MACF1: variants seen among roughly 807,000 people sequenced by gnomAD.
The protein encoded by MACF1 is microtubule-actin cross-linking factor 1.
MACF1 carries 193 observed loss-of-function variants against 854.8 expected under a neutral mutation model. The observed-to-expected ratio is 0.23, with a 90% CI of 0.20 to 0.25. The LOEUF is 0.25. MACF1 is among the 10% of genes least tolerant of loss of function. MACF1 has a pLI of 1.00. For synonymous variants in MACF1, 3,185 were observed against 3,226.7 expected (o/e 0.99, Z 0.44); for missense variants, 7,722 against 8,929.1 (o/e 0.86, Z 5.45).
intron 2 of MACF1, among the ~76,000 whole-genome samples, chr1:39,095,561 CAAAAAA>C (rs34021324): frequency 5.4e-5 from 3 of 55,848 alleles, no homozygotes; most frequent in Non-Finnish European, 9.3e-5. Context: ...GACTCTGTCT[CAAAAAA>C]AAAAAAAAAA....
At chr1:39,282,400 C>T (rs1045257512) in intron 7 of MACF1, 26 bp downstream of exon 7, 1 of 1,596,852 alleles carries the variant, frequency 6.3e-7, no homozygotes, top group Non-Finnish European at 8.6e-7. Flanking sequence ...TTTCTGTGCT[C>T]CTGCAGGGCT....
rs202052424 is a variant in MACF1, at chr1:39,430,013, G to A, written c.17075G>A (p.Ser5692Asn). The A allele has an allele frequency of 4.6e-5, 74 of 1,613,966 alleles. No individual in the cohort carries two copies. The East Asian group carries it at 1.6e-3, about 36-fold the overall frequency. The change falls in exon 65 of 101, where the codon AGT becomes AAT. Residue 5692 changes from serine (S) to asparagine (N), a missense_variant. Ser to Asn is a conservative substitution (Grantham distance 46). Around this residue, in one of 15 missense-constraint regions of MACF1, gnomAD observed 2,807 missense variants for 3,235.8 expected, o/e 0.87. Transcript: ENST00000564288. Reference sequence around the variant, plus strand: ...GAGGTGGAGGAGGAGCTGGCAACCAGTGGAGGACAGTCTCCCACAGGGGAA... The same window carrying A: ...GAGGTGGAGGAGGAGCTGGCAACCAATGGAGGACAGTCTCCCACAGGGGAA... ...LREVEEELATSGGQSPTGEQI... is the reference protein window; with the variant it reads ...LREVEEELATNGGQSPTGEQI...
chr1:39,097,599 G>A (rs192308566), intron 2 of MACF1, among the ~76,000 whole-genome samples: 10 of 152,194 alleles, frequency 6.6e-5, no homozygotes, highest in Admixed American at 5.9e-4. Flanking sequence ...GTGTACACCT[G>A]TAGTACAAGC....
chr1:39,306,398 G>T (rs11205884), intron 23 of MACF1, among the ~76,000 whole-genome samples: 90,768 of 151,874 alleles, frequency 0.6, 29,179 homozygotes, highest in South Asian at 0.78. Context: ...AAAGTGTTGG[G>T]ATTACAGGCG....
chr1:39,452,946 C>A, intron 87 of MACF1, 134 bp downstream of exon 87: 1 of 999,946 alleles, frequency 1.0e-6, no homozygotes, highest in Non-Finnish European at 1.4e-6. Flanking sequence ...GTGGCCCTAG[C>A]TCATTGGTTT....
chr1:39,440,995 A>G lies in MACF1; in HGVS notation c.18448-8A>G. ...ATTTTGGCTTATATTCTATTCGTTT[A>G]CATGTAGACTATTAAGGAAGAGACA... On this transcript the variant is annotated splice_region_variant and splice_polypyrimidine_tract_variant and intron_variant, in intron 72 of 100. Transcript: ENST00000564288. 1.2e-6 allele frequency: 2 copies of G among 1,614,036 alleles called. No individual in the cohort carries two copies. The highest frequency in any genetic ancestry group is 8.5e-7 in the Non-Finnish European group (1 of 1,179,962).
At chr1:39,314,192 T>C (rs1646359358) in intron 26 of MACF1, among the ~76,000 whole-genome samples, 3 of 152,156 alleles carry the variant, frequency 2.0e-5, no homozygotes, top group African/African-American at 7.2e-5. Flanking sequence ...GTGGATCACC[T>C]GAGGTCAGGA....
intron 97 of MACF1, among the ~76,000 whole-genome samples, chr1:39,479,424 C>T (rs1311128501): frequency 6.6e-6 from 1 of 152,110 alleles, no homozygotes; most frequent in African/African-American, 2.4e-5. Flanking sequence ...GCAAAAAGTA[C>T]ACATGTACTA....
chr1:39,326,767 G>C (rs950216217), intron 35 of MACF1, among the ~76,000 whole-genome samples: 4 of 151,808 alleles, frequency 2.6e-5, no homozygotes, highest in African/African-American at 9.7e-5. Context: ...ATGAAAGCTG[G>C]ATAGCTAGAC....
At chr1:39,193,978 G>C (rs940767887) in intron 2 of MACF1, among the ~76,000 whole-genome samples, 4 of 151,920 alleles carry the variant, frequency 2.6e-5, no homozygotes, top group Non-Finnish European at 5.9e-5. Context: ...CAAGTAGCTG[G>C]GATTACAGGC....
intron 2 of MACF1, among the ~76,000 whole-genome samples, chr1:39,136,874 C>T (rs762313428): frequency 2.6e-5 from 4 of 152,022 alleles, no homozygotes; most frequent in Admixed American, 1.3e-4. Flanking sequence ...TAAAGACAAG[C>T]GTGAGAGTGT....
At position 39,458,370 on chromosome 1, in the gene MACF1, A is replaced by G. The variant is rs772396814; in HGVS notation, c.21076A>G (p.Thr7026Ala). The G allele has an allele frequency of 6.2e-7, 1 of 1,611,000 alleles. No individual in the cohort carries two copies. The highest frequency in any genetic ancestry group is 1.3e-5 in the African/African-American group (1 of 74,558). The change falls in exon 90 of 101, where the codon ACA becomes GCA. Residue 7026 changes from threonine to alanine, a missense_variant and splice_region_variant. Around this residue, in one of 15 missense-constraint regions of MACF1, gnomAD observed 729 missense variants for 900.5 expected, o/e 0.81. Transcript: ENST00000564288. ...TTTTCCTATTTTTTGTGTTTAACAG[A>G]CATTTATGGAGGAGATGACTCGCAA... Reference protein sequence around the residue: ...RVKALIAEHQTFMEEMTRKQP... With the variant: ...RVKALIAEHQAFMEEMTRKQP...
intron 43 of MACF1, among the ~76,000 whole-genome samples, chr1:39,351,474 C>G (rs1488087510): frequency 2.0e-5 from 3 of 152,016 alleles, no homozygotes; most frequent in African/African-American, 7.3e-5. Context: ...CTCCCCAAAC[C>G]CCCAAACATC....
In MACF1 at chr1:39,176,605, G is replaced by A. The variant is rs184624592; in HGVS notation, c.221-54577G>A. On this transcript the variant is annotated intron_variant, in intron 2 of 93. Coordinates refer to the MACF1 transcript ENST00000361689. ...GTAGAAAATTTCTGCTTATGCTTGG[G>A]GAGCTAGATATGAATTCTTGTTATA... Among the ~76,000 whole-genome samples, 9 of 152,140 alleles carry A rather than the reference G, an allele frequency of 5.9e-5. No homozygotes were observed. In the East Asian group the frequency reaches 1.7e-3, roughly 29 times the overall value.
chr1:39,231,166 T>C lies in MACF1; in HGVS notation c.110-16T>C. 2 of 1,613,440 alleles carry C rather than the reference T, an allele frequency of 1.2e-6. No individual in the cohort carries two copies. The highest frequency in any genetic ancestry group is 1.7e-6 in the Non-Finnish European group (2 of 1,179,320). ...GGTAGCACTAAGCCAGTGCCTTCTC[T>C]GTGTTTCCTTTACAGATGAACGGGA... On this transcript the variant is annotated splice_polypyrimidine_tract_variant and intron_variant, in intron 1 of 100. Coordinates refer to ENST00000564288, the MANE Select transcript of MACF1 (RefSeq NM_001394062.1).
At chr1:39,216,036 T>C (rs1644573838) in intron 1 of MACF1, among the ~76,000 whole-genome samples, 1 of 152,208 alleles carries the variant, frequency 6.6e-6, no homozygotes, top group Non-Finnish European at 1.5e-5. Context: ...TAATGTCCTG[T>C]GGCCTTGAAC....
chr1:39,287,620 T>C lies in MACF1; in HGVS notation c.1785+58T>C. 4 of 1,586,994 alleles carry C rather than the reference T, an allele frequency of 2.5e-6. No individual in the cohort carries two copies. The South Asian group carries it at 4.5e-5, about 18-fold the overall frequency. On this transcript the variant is annotated intron_variant, in intron 15 of 100. Transcript: ENST00000564288. The stretch of plus-strand genomic sequence containing the variant: ...CTGATGTTTACTGGATCTGGAAGCT[T>C]ATCTAAGAGGACCAAATTGCTTTGT...
Position 39,105,501 on chromosome 1 carries a change from G to C in MACF1, c.220+21063G>C. On this transcript the variant is annotated intron_variant, in intron 2 of 93. Transcript: ENST00000361689. This position sits in a 1 kb window ranked among gnomAD's most constrained non-coding sequence, Gnocchi z 5.9. ...GGGCGAGGCGGGCGGACGGCGGAGA[G>C]CGAGGGCGCCGTCGCCGTCTCTGAG... The C allele has an allele frequency of 2.0e-6, 2 of 1,015,140 alleles. No homozygotes were observed. The highest frequency in any genetic ancestry group is 2.4e-6 in the Non-Finnish European group (2 of 850,206). 62.9% of individuals were successfully genotyped at this position (1,015,140 alleles called of 1,614,324 possible).
In MACF1 at chr1:39,388,842, ATTTTTC is replaced by A. The variant is rs146838456; in HGVS notation, c.15816+199_15816+204del. The stretch of plus-strand genomic sequence containing the variant: ...GACTTCTGAGCAAACTGGTTTGAGC[ATTTTTC>A]TTTTTCTTTTTCTTCTTCTTCTTCT... On this transcript the variant is annotated intron_variant, in intron 58 of 100. Coordinates refer to ENST00000564288, the MANE Select transcript of MACF1 (RefSeq NM_001394062.1). Among the ~76,000 whole-genome samples the A allele has an allele frequency of 0.026, 3,216 of 121,724 alleles. 180 individuals are homozygous for A. The highest frequency in any genetic ancestry group is 0.075 in the East Asian group (303 of 4,026). 79.9% of individuals were successfully genotyped at this position (121,724 alleles called of 152,430 possible).
Sources: allele counts gnomAD v4.1 joint callset (sites outside exome capture counted in the v4.1 genomes callset), GRCh38; gene constraint gnomAD v4.1.1; regional missense constraint gnomAD v4.1.1; non-coding constraint Gnocchi (gnomAD v3.1); transcripts MANE v1.5; gene names NCBI Gene and HGNC (gene_info 2026-07-23, HGNC 2026-07-21).